Variants in PHF10 observed in about 807,000 individuals in gnomAD.
PHF10 encodes PHD finger protein 10.
Under a neutral mutation model 68.5 loss-of-function variants are expected in PHF10, and 51 were observed. The observed-to-expected ratio is 0.74, with a 90% CI of 0.59 to 0.94. The LOEUF (loss-of-function observed/expected upper bound fraction) is 0.94, where lower values mean the gene tolerates loss of function less well. Among genes scored for constraint, PHF10 ranks in the 40% least tolerant of loss-of-function variants. The probability of loss-of-function intolerance (pLI) is 0.00; values close to 1 mark genes in which losing one functional copy is unlikely to be tolerated. For missense variants in PHF10, 460 were observed against 602.6 expected (o/e 0.76, Z 2.48); for synonymous variants, 204 against 203.5 (o/e 1.00, Z -0.02).
At chr6:169,722,149 T>A (rs559149560) in intron 1 of PHF10, among the ~76,000 whole-genome samples, 2 of 152,368 alleles carry the variant, frequency 1.3e-5, no homozygotes, top group East Asian at 3.9e-4. Flanking sequence ...GCGAGTTATC[T>A]GATAAATATT....
chr6:169,723,601 G>A (rs1324317264), intron 1 of PHF10, among the ~76,000 whole-genome samples: 2 of 152,170 alleles, frequency 1.3e-5, no homozygotes, highest in African/African-American at 2.4e-5. Context: ...TTGTCAAGCA[G>A]GGCCGGCTGC....
intron 8 of PHF10, among the ~76,000 whole-genome samples, chr6:169,711,936 CAA>C (rs535575759): frequency 1.4e-5 from 2 of 145,586 alleles, no homozygotes; most frequent in African/African-American, 5.0e-5. Context: ...CATTTTGCTA[CAA>C]AAAAAAAAGT....
chr6:169,712,120 A>C (rs1236645864), intron 8 of PHF10, among the ~76,000 whole-genome samples: 1 of 152,248 alleles, frequency 6.6e-6, no homozygotes, highest in Non-Finnish European at 1.5e-5. Flanking sequence ...CAGCAAGTTG[A>C]ATAAATGATT....
At chr6:169,710,922 A>G (rs967915740) in intron 8 of PHF10, among the ~76,000 whole-genome samples, 4 of 152,152 alleles carry the variant, frequency 2.6e-5, no homozygotes, top group East Asian at 1.9e-4. Flanking sequence ...AACTATCTAC[A>G]ACAGGATCTG....
chr6:169,707,084 G>C (rs1320399087), intron 9 of PHF10: 2 of 151,946 alleles, frequency 1.3e-5, no homozygotes, highest in African/African-American at 4.8e-5. Context: ...TACATAAATA[G>C]AATAAAAACA....
chr6:169,714,976 C>T, intron 6 of PHF10, 134 bp from the exon 7 acceptor site: 1 of 636,996 alleles, frequency 1.6e-6, no homozygotes, highest in Non-Finnish European at 2.8e-6. Context: ...ATATCAGGAG[C>T]TATAACCTAA....
At chr6:169,714,200 C>G (rs2128330165) in intron 7 of PHF10, among the ~76,000 whole-genome samples, 1 of 152,196 alleles carries the variant, frequency 6.6e-6, no homozygotes, top group African/African-American at 2.4e-5. Flanking sequence ...CATTTAGGGT[C>G]CATATTGGAG....
chr6:169,719,404 G>GT (rs1789126250), intron 2 of PHF10: 1 of 153,086 alleles, frequency 6.5e-6, no homozygotes, highest in South Asian at 2.0e-4. Context: ...GTAACTGTTT[G>GT]TTCTCAGATA....
chr6:169,717,306 G>A (rs1789073535), intron 4 of PHF10, among the ~76,000 whole-genome samples: 1 of 152,134 alleles, frequency 6.6e-6, no homozygotes, highest in Non-Finnish European at 1.5e-5. Flanking sequence ...GTTGATCCTT[G>A]ACTTGCAATG....
chr6:169,719,861 G>A (rs1262161491), intron 2 of PHF10, among the ~76,000 whole-genome samples: 1 of 151,848 alleles, frequency 6.6e-6, no homozygotes, highest in African/African-American at 2.4e-5. Context: ...ATTTTGTACA[G>A]GGACACTATC....
At chr6:169,720,327 A>C (rs901931485) in intron 2 of PHF10, among the ~76,000 whole-genome samples, 3 of 152,158 alleles carry the variant, frequency 2.0e-5, no homozygotes, top group Non-Finnish European at 2.9e-5. Context: ...CATCCAAAAA[A>C]ACTGAAAACA....
chr6:169,710,034 A>G (rs1788890746), intron 9 of PHF10: 5 of 424,584 alleles, frequency 1.2e-5, no homozygotes, highest in Non-Finnish European at 2.1e-5. Flanking sequence ...CAGAAAACAG[A>G]AGGTAAACCA....
intron 4 of PHF10, 196 bp downstream of exon 4, chr6:169,717,627 A>G (rs1248759979): frequency 4.1e-6 from 2 of 484,642 alleles, no homozygotes; most frequent in Admixed American, 7.7e-5. Flanking sequence ...ATCATAAGTC[A>G]GGAACCACAT....
At chr6:169,718,687 A>C in intron 3 of PHF10, 101 bp downstream of exon 3, 3 of 733,060 alleles carry the variant, frequency 4.1e-6, no homozygotes, top group Non-Finnish European at 6.5e-6. Context: ...AACAGCAAGC[A>C]CAAGAATATA....
chr6:169,724,219 G>T lies in PHF10; in HGVS notation c.-288C>A, dbSNP rs1383778566. ...GCCGGAATGGAGGAGGCCCAGCGGC[G>T]GCGGCGCTTCTCACGTCAGCCCAAC... On this transcript the variant is annotated 5_prime_UTR_variant, in exon 1 of 12. Transcript: ENST00000339209. Among the ~76,000 whole-genome samples, 1 of 146,138 alleles carries T rather than the reference G, an allele frequency of 6.8e-6. No individual in the cohort carries two copies. The highest frequency in any genetic ancestry group is 1.5e-5 in the Non-Finnish European group (1 of 65,770).
intron 9 of PHF10, among the ~76,000 whole-genome samples, chr6:169,706,627 G>A (rs1362950247): frequency 6.6e-6 from 1 of 151,736 alleles, no homozygotes; most frequent in East Asian, 1.9e-4. Flanking sequence ...ACAAAATGAC[G>A]TTCACTCATG....
intron 3 of PHF10, among the ~76,000 whole-genome samples, 183 bp from the exon 4 acceptor site, chr6:169,718,089 GAATAA>G (rs1471672894): frequency 1.3e-5 from 2 of 151,984 alleles, no homozygotes; most frequent in Admixed American, 1.3e-4. Flanking sequence ...ACAAAAGTTA[GAATAA>G]AATAGGAAAT....
At chr6:169,720,376 C>T (rs1369151237) in intron 2 of PHF10, among the ~76,000 whole-genome samples, 1 of 152,136 alleles carries the variant, frequency 6.6e-6, no homozygotes, top group Non-Finnish European at 1.5e-5. Flanking sequence ...GCATTATTCA[C>T]CTTGGCCAGA....
At chr6:169,708,986 A>G (rs1357094993) in intron 9 of PHF10, 1 of 152,196 alleles carries the variant, frequency 6.6e-6, no homozygotes, top group Non-Finnish European at 1.5e-5. Flanking sequence ...AACAAGTACA[A>G]AAATCACATA....
Sources: gnomAD v4.1 joint callset for allele counts (sites outside exome capture counted in the v4.1 genomes callset) on GRCh38, gnomAD v4.1.1 for gene constraint, MANE v1.5 for transcripts, NCBI Gene and HGNC (gene_info 2026-07-23, HGNC 2026-07-21) for gene names.